Variants in UTRN observed in about 807,000 individuals in gnomAD.
UTRN encodes the protein dystrophin-related protein 1.
A neutral mutation model predicts 463.9 loss-of-function variants in UTRN; 283 were observed. The ratio of observed to expected loss-of-function variants is 0.61; its 90% CI spans 0.55 to 0.67. UTRN has a LOEUF of 0.67. UTRN is among the 30% of genes least tolerant of loss of function. UTRN has a pLI of 0.00. For missense variants in UTRN, 3,922 were observed against 4,084.3 expected (o/e 0.96, Z 1.08); for synonymous variants, 1,442 against 1,431.5 (o/e 1.01, Z -0.17).
At chr6:144,544,568 A>T (rs980551977) in intron 46 of UTRN, among the ~76,000 whole-genome samples, 3 of 152,064 alleles carry the variant, frequency 2.0e-5, no homozygotes, top group African/African-American at 7.2e-5. Flanking sequence ...CACCTTGCCG[A>T]CTGTACTCAT....
At chr6:144,788,861 C>A (rs990544640) in intron 61 of UTRN, among the ~76,000 whole-genome samples, 1 of 152,134 alleles carries the variant, frequency 6.6e-6, no homozygotes. Context: ...CTGTGCCCAG[C>A]CAATTCATAA....
intron 41 of UTRN, among the ~76,000 whole-genome samples, chr6:144,523,626 TA>T (rs1414727399): frequency 1.3e-5 from 2 of 152,200 alleles, no homozygotes; most frequent in Non-Finnish European, 2.9e-5. Context: ...CCCTGTTTAA[TA>T]AATTGTGATG....
At chr6:144,794,447 A>C (rs951534463) in intron 63 of UTRN, among the ~76,000 whole-genome samples, 1 of 152,158 alleles carries the variant, frequency 6.6e-6, no homozygotes, top group African/African-American at 2.4e-5. Context: ...TAGCTATTAC[A>C]TCCTCTGAAA....
chr6:144,421,155 T>C (rs1286111309), intron 3 of UTRN, among the ~76,000 whole-genome samples: 2 of 152,070 alleles, frequency 1.3e-5, no homozygotes, highest in African/African-American at 4.8e-5. Context: ...TGCAGGTGCC[T>C]ACCGCCATGC....
At chr6:144,510,766 A>T (rs576994934) in intron 34 of UTRN, among the ~76,000 whole-genome samples, 178 bp from the exon 35 acceptor site, 2 of 152,322 alleles carry the variant, frequency 1.3e-5, no homozygotes, top group African/African-American at 4.8e-5. Context: ...TTTGGAACTT[A>T]AGAATTCTCA....
At chr6:144,438,603 C>T in intron 11 of UTRN, 142 bp from the exon 12 acceptor site, 1 of 1,042,086 alleles carries the variant, frequency 9.6e-7, no homozygotes, top group Non-Finnish European at 1.4e-6. Flanking sequence ...TTCCTGGCTT[C>T]TATATTTAAA....
intron 53 of UTRN, among the ~76,000 whole-genome samples, chr6:144,712,311 C>T (rs1011381477): frequency 3.9e-5 from 6 of 152,090 alleles, no homozygotes; most frequent in African/African-American, 1.4e-4. Context: ...GGACTTGTCT[C>T]CTAATCATAA....
chr6:144,700,232 G>T lies in UTRN; in HGVS notation c.7798G>T (p.Asp2600Tyr). ...TGTTCCAGCCTTACAGCTCCAGTAT[G>T]ACCATTGTAAGGTAAGTGGATAACC... ...GDVPALQLQYDHCKALRRELK... is the reference protein window; with the variant it reads ...GDVPALQLQYYHCKALRRELK... Residue 2600 changes from aspartate to tyrosine, a missense_variant, in exon 53 of 75, where the codon GAC (aspartate) becomes TAC (tyrosine). Transcript: ENST00000367545. The T allele has an allele frequency of 6.2e-7, 1 of 1,612,262 alleles. No homozygotes were observed. Among genetic ancestry groups the T allele is most frequent in the South Asian group, 1.1e-5 (1 of 90,850 alleles).
chr6:144,402,721 T>A (rs1488654665), intron 2 of UTRN, among the ~76,000 whole-genome samples: 2 of 152,202 alleles, frequency 1.3e-5, no homozygotes, highest in African/African-American at 4.8e-5. Context: ...ATTGGATAAC[T>A]TTAATTTTTG....
At chr6:144,395,385 A>T (rs944789956) in intron 2 of UTRN, among the ~76,000 whole-genome samples, 5 of 151,386 alleles carry the variant, frequency 3.3e-5, no homozygotes, top group African/African-American at 1.2e-4. Context: ...AATATGGTTG[A>T]TAGAAAAGAT....
intron 50 of UTRN, among the ~76,000 whole-genome samples, chr6:144,560,732 G>A (rs1388517555): frequency 6.6e-6 from 1 of 152,030 alleles, no homozygotes; most frequent in East Asian, 1.9e-4. Flanking sequence ...TCTAAAAACA[G>A]CTTTGATAAC....
intron 51 of UTRN, among the ~76,000 whole-genome samples, chr6:144,640,489 G>A (rs1777656177): frequency 6.6e-6 from 1 of 151,956 alleles, no homozygotes; most frequent in Non-Finnish European, 1.5e-5. Flanking sequence ...ATATATTTCT[G>A]TACTAAGATC....
At position 144,285,659 on chromosome 6, in the gene UTRN, C is replaced by T. The variant is rs1262875096; in HGVS notation, c.-255C>T. On this transcript the variant is annotated 5_prime_UTR_variant, in exon 1 of 75. Transcript: ENST00000367545. ...CTTTTTTTAAAATTTCGGTTCGTGT[C>T]TGCTTCTCCAAGCTTTATTTTTTTT... The T allele has an allele frequency of 6.6e-6, 1 of 152,152 alleles. No homozygotes were observed. The highest frequency in any genetic ancestry group is 1.5e-5 in the Non-Finnish European group (1 of 68,058). 9.4% of individuals were successfully genotyped at this position (152,152 alleles called of 1,614,324 possible).
At chr6:144,533,516 A>G (rs1001371727) in intron 43 of UTRN, among the ~76,000 whole-genome samples, 2 of 152,108 alleles carry the variant, frequency 1.3e-5, no homozygotes, top group Non-Finnish European at 2.9e-5. Flanking sequence ...TTATTATGAT[A>G]TGGTGATTAT....
chr6:144,652,966 T>A (rs1362876569), intron 51 of UTRN, among the ~76,000 whole-genome samples: 1 of 152,236 alleles, frequency 6.6e-6, no homozygotes, highest in Non-Finnish European at 1.5e-5. Context: ...GGAATAGGTA[T>A]CTACTCAGGA....
chr6:144,831,032 G>A (rs948103863), intron 69 of UTRN, among the ~76,000 whole-genome samples: 3 of 152,074 alleles, frequency 2.0e-5, no homozygotes, highest in Non-Finnish European at 2.9e-5. Context: ...ACTCACGACC[G>A]CCATGCACCC....
Position 144,836,287 on chromosome 6 carries a change from T to C in UTRN, c.9825-14T>C, listed in dbSNP as rs1781096814. On this transcript the variant is annotated splice_polypyrimidine_tract_variant and intron_variant, in intron 70 of 74. Transcript: ENST00000367545. ...ACGTGGTAGTCATTCTGTTTCTCCC[T>C]CTTTCTGTATTAGAAATCTACAGGT... The C allele has an allele frequency of 6.2e-7, 1 of 1,614,022 alleles. No homozygotes were observed. The highest frequency in any genetic ancestry group is 8.5e-7 in the Non-Finnish European group (1 of 1,179,902).
chr6:144,677,630 C>T (rs939025263), intron 51 of UTRN, among the ~76,000 whole-genome samples: 2 of 152,134 alleles, frequency 1.3e-5, no homozygotes, highest in Non-Finnish European at 2.9e-5. Flanking sequence ...GGTATATACC[C>T]AGTAATGGGA....
chr6:144,320,217 T>G (rs1208487256), intron 2 of UTRN, among the ~76,000 whole-genome samples: 1 of 152,262 alleles, frequency 6.6e-6, no homozygotes, highest in Non-Finnish European at 1.5e-5. Context: ...CTATTGTGTC[T>G]TAACAGATCG....
Sources: allele counts gnomAD v4.1 joint callset (sites outside exome capture counted in the v4.1 genomes callset), GRCh38; gene constraint gnomAD v4.1.1; transcripts MANE v1.5; gene names NCBI Gene and HGNC (gene_info 2026-07-23, HGNC 2026-07-21).